POLH: variants seen among roughly 807,000 people sequenced by gnomAD.
POLH encodes the protein DNA polymerase eta transcript.
Under a neutral mutation model 73.6 loss-of-function variants are expected in POLH, and 53 were observed. That is an observed-to-expected ratio of 0.72 (90% CI 0.58 to 0.91). The LOEUF (loss-of-function observed/expected upper bound fraction) is 0.91, where lower values mean the gene tolerates loss of function less well. POLH is among the 40% of genes least tolerant of loss of function. The pLI, the probability that POLH is intolerant of heterozygous loss-of-function variation, is 0.00. For synonymous variants in POLH, 292 were observed against 308.5 expected (o/e 0.95, Z 0.56); for missense variants, 768 against 865.4 (o/e 0.89, Z 1.41).
At chr6:43,599,624 GA>G (rs1766504195) in intron 5 of POLH, among the ~76,000 whole-genome samples, 1 of 150,520 alleles carries the variant, frequency 6.6e-6, no homozygotes, top group Admixed American at 6.6e-5. Flanking sequence ...CTACCCATCT[GA>G]ATTTTTTTGG....
rs1768438291 is a variant in POLH at position 43,617,668 on chromosome 6, G to T, written c.*3111G>T. Among the ~76,000 whole-genome samples, 1 of 152,012 alleles carries T rather than the reference G, an allele frequency of 6.6e-6. No individual in the cohort carries two copies. Among genetic ancestry groups the T allele is most frequent in the Non-Finnish European group, 1.5e-5 (1 of 67,986 alleles). The stretch of plus-strand genomic sequence containing the variant: ...ATGTGGGCCGGGTGCAGTGGCTCAT[G>T]CCTGTAATCCCAGCACTTTGGGAGG... On this transcript the variant is annotated 3_prime_UTR_variant, in exon 11 of 11. Coordinates refer to ENST00000372236, the MANE Select transcript of POLH (RefSeq NM_006502.3).
chr6:43,584,288 C>A (rs544902812), intron 3 of POLH, among the ~76,000 whole-genome samples: 1 of 152,252 alleles, frequency 6.6e-6, no homozygotes, highest in South Asian at 2.1e-4. Context: ...TGACATACTT[C>A]TGAATTCTAA....
intron 6 of POLH, 98 bp downstream of exon 6, chr6:43,601,189 G>A: frequency 1.2e-6 from 1 of 836,682 alleles, no homozygotes; most frequent in Non-Finnish European, 2.1e-6. Context: ...CTGGAGCCAG[G>A]GGAAATACAT....
At chr6:43,587,095 A>T (rs56112544) in intron 3 of POLH, among the ~76,000 whole-genome samples, 177 bp from the exon 4 acceptor site, 1 of 152,044 alleles carries the variant, frequency 6.6e-6, no homozygotes, top group South Asian at 2.1e-4. Context: ...CCATGCTTCT[A>T]TTATTGACCA....
Position 43,614,429 on chromosome 6 carries a change from C to A in POLH, c.2014C>A (p.Gln672Lys). Reference protein sequence around the residue: ...SFLQPHSSNPQVVSAVSHQGK... With the variant: ...SFLQPHSSNPKVVSAVSHQGK... ...TTTGCAGCCCCACTCTTCAAACCCC[C>A]AGGTTGTTTCTGCCGTATCTCATCA... The change falls in exon 11 of 11, where the codon CAG becomes AAG. Residue 672 changes from glutamine to lysine, a missense_variant. Physicochemically the swap from Gln to Lys is moderately conservative, Grantham distance 53. Coordinates refer to ENST00000372236, the MANE Select transcript of POLH (RefSeq NM_006502.3). 1 of 1,614,186 alleles carries A rather than the reference C, an allele frequency of 6.2e-7. No homozygotes were observed. The highest frequency in any genetic ancestry group is 1.1e-5 in the South Asian group (1 of 91,080).
rs1349087647 is a variant in POLH, at chr6:43,620,473, C to A, written c.*5916C>A. On this transcript the variant is annotated 3_prime_UTR_variant, in exon 11 of 11. Transcript: ENST00000372236. ...CCCTGGAAGGAAGCTGAGCCTGTAG[C>A]TAACGCATAAGCACAGTGTATTCAA... The A allele has an allele frequency of 5.7e-6, 2 of 352,418 alleles. No individual in the cohort carries two copies. Among genetic ancestry groups the A allele is most frequent in the Non-Finnish European group, 1.1e-5 (2 of 183,314 alleles). 21.8% of individuals were successfully genotyped at this position (352,418 alleles called of 1,614,324 possible).
intron 1 of POLH, among the ~76,000 whole-genome samples, chr6:43,579,210 C>T (rs1055453116): frequency 6.6e-6 from 1 of 152,214 alleles, no homozygotes; most frequent in Non-Finnish European, 1.5e-5. Flanking sequence ...GGACTCTAAT[C>T]TTCCCCTGCC....
At position 43,615,683 on chromosome 6, in the gene POLH, T is replaced by A. The variant is rs1253361219; in HGVS notation, c.*1126T>A. ...AAAGGGATTATTTTTATTTTTATTT[T>A]TTATTTTTGAGACGGAGTCTCCCTC... is the stretch of plus-strand genomic sequence containing the variant. On this transcript the variant is annotated 3_prime_UTR_variant, in exon 11 of 11. Transcript: ENST00000372236. 1 of 152,068 alleles carries A rather than the reference T, an allele frequency of 6.6e-6. No individual in the cohort carries two copies. Among genetic ancestry groups the A allele is most frequent in the African/African-American group, 2.4e-5 (1 of 41,438 alleles). 9.4% of individuals were successfully genotyped at this position (152,068 alleles called of 1,614,324 possible). A position where few individuals can be genotyped will look rare whatever the true frequency, so the allele number is the denominator to read the frequency against.
rs2127825407 is a variant in POLH at position 43,616,625 on chromosome 6, CTG to C, written c.*2071_*2072del. The stretch of plus-strand genomic sequence containing the variant: ...ACAAAAGAAAAACTTCTCTCTAGCT[CTG>C]TGACGGGCAGTTCAGATAATACCTT... On this transcript the variant is annotated 3_prime_UTR_variant, in exon 11 of 11. Coordinates refer to ENST00000372236, the MANE Select transcript of POLH (RefSeq NM_006502.3). 6.6e-6 allele frequency among the ~76,000 whole-genome samples: 1 copy of C among 151,994 alleles called. No individual in the cohort carries two copies. Among genetic ancestry groups the C allele is most frequent in the South Asian group, 2.1e-4 (1 of 4,814 alleles).
rs745934083 is a variant in POLH, at chr6:43,582,350, C to G, written c.31C>G (p.Leu11Val). MATGQDRVVA[L>V]VDMDCFFVQV... ...TACTGGACAGGATCGAGTGGTTGCT[C>G]TCGTGGACATGGACTGTTTTTTTGT... Residue 11 changes from leucine to valine, a missense_variant, in exon 2 of 11, where the codon CTC (leucine) becomes GTC (valine). Physicochemically the swap from Leu to Val is conservative, Grantham distance 32. Transcript: ENST00000372236. The G allele has an allele frequency of 6.2e-7, 1 of 1,614,136 alleles. No individual in the cohort carries two copies. The highest frequency in any genetic ancestry group is 1.1e-5 in the South Asian group (1 of 91,078).
chr6:43,601,090 A>C lies in POLH; in HGVS notation c.763A>C (p.Ile255Leu). Residue 255 changes from isoleucine to leucine, a missense_variant and splice_region_variant, in exon 6 of 11, where the codon ATC (isoleucine) becomes CTC (leucine). Ile to Leu is a conservative substitution (Grantham distance 5). Transcript: ENST00000372236. ...QLFSQMPIRK[I>L]RSLGGKLGAS... Reference sequence around the variant, plus strand: ...CTTCAGCCAAATGCCCATTCGCAAAATGTAAGTATTCAGGCAGCATGTTAA... The same window carrying C: ...CTTCAGCCAAATGCCCATTCGCAAACTGTAAGTATTCAGGCAGCATGTTAA... 3 of 1,594,936 alleles carry C rather than the reference A, an allele frequency of 1.9e-6. No individual in the cohort carries two copies. The highest frequency in any genetic ancestry group is 2.6e-6 in the Non-Finnish European group (3 of 1,162,622).
intron 6 of POLH, 23 bp from the exon 7 acceptor site, chr6:43,603,868 AT>A: frequency 6.2e-7 from 1 of 1,612,610 alleles, no homozygotes; most frequent in Non-Finnish European, 8.5e-7. Flanking sequence ...TGACCTATCA[AT>A]TCTTTGTCTC....
chr6:43,617,261 C>T lies in POLH; in HGVS notation c.*2704C>T, dbSNP rs1344026286. Among the ~76,000 whole-genome samples the T allele has an allele frequency of 6.6e-6, 1 of 152,192 alleles. No individual in the cohort carries two copies. The highest frequency in any genetic ancestry group is 2.4e-5 in the African/African-American group (1 of 41,442). On this transcript the variant is annotated 3_prime_UTR_variant, in exon 11 of 11. Transcript: ENST00000372236. ...TTGAGGAACAGCAGCCTCAGTATCA[C>T]CAGGGAACTTATTAGAAATAGTCTC... is the stretch of plus-strand genomic sequence containing the variant.
At chr6:43,610,846 T>G in intron 10 of POLH, 123 bp downstream of exon 10, 2 of 785,698 alleles carry the variant, frequency 2.5e-6, no homozygotes, top group East Asian at 2.7e-5. Context: ...AATTTTCACA[T>G]GAGCTGAATT....
chr6:43,594,474 G>A (rs1425507077), intron 4 of POLH, among the ~76,000 whole-genome samples: 1 of 152,094 alleles, frequency 6.6e-6, no homozygotes, highest in African/African-American at 2.4e-5. Context: ...TGTAATCCCA[G>A]CACTTTGGGA....
Position 43,583,021 on chromosome 6 carries a change from G to C in POLH, c.152G>C (p.Ser51Thr). 1 of 1,613,434 alleles carries C rather than the reference G, an allele frequency of 6.2e-7. No homozygotes were observed. The highest frequency in any genetic ancestry group is 2.2e-5 in the East Asian group (1 of 44,886). The stretch of plus-strand genomic sequence containing the variant: ...TCTAACCTTAGAATAATTGCAGTGA[G>C]TTATGAAGCTCGTGCATTTGGAGTC... ...SWKGGGIIAV[S>T]YEARAFGVTR... is the part of the protein sequence containing the mutation. The change falls in exon 3 of 11, where the codon AGT becomes ACT. Residue 51 changes from serine (S) to threonine (T), a missense_variant. Ser to Thr is a moderately conservative substitution (Grantham distance 58). Coordinates refer to ENST00000372236, the MANE Select transcript of POLH (RefSeq NM_006502.3).
rs1768165602 is a variant in POLH, at chr6:43,614,129, C to G, written c.1714C>G (p.Pro572Ala). Residue 572 changes from proline (P) to alanine (A), a missense_variant, in exon 11 of 11, where the codon CCA (proline) becomes GCA (alanine). Coordinates refer to ENST00000372236, the MANE Select transcript of POLH (RefSeq NM_006502.3). ...ACCAAACTCTTTACCAACAGAGTAT[C>G]CAGGGTGTGTCCCTGTTTGTGAAGG... is the stretch of plus-strand genomic sequence containing the variant. ...ALPNSLPTEY[P>A]GCVPVCEGVS... 2 of 1,614,120 alleles carry G rather than the reference C, an allele frequency of 1.2e-6. No individual in the cohort carries two copies. The highest frequency in any genetic ancestry group is 2.7e-5 in the African/African-American group (2 of 74,938).
intron 4 of POLH, among the ~76,000 whole-genome samples, chr6:43,596,702 A>G (rs1301548239): frequency 6.6e-6 from 1 of 152,232 alleles, no homozygotes. Flanking sequence ...GATTTTAGTT[A>G]TGTTTAGTTG....
chr6:43,606,700 A>G (rs1369931677), intron 9 of POLH, among the ~76,000 whole-genome samples: 1 of 152,122 alleles, frequency 6.6e-6, no homozygotes, highest in Non-Finnish European at 1.5e-5. Flanking sequence ...AAGTGCTGGG[A>G]TTACAGGCAT....
Sources: allele counts gnomAD v4.1 joint callset (sites outside exome capture counted in the v4.1 genomes callset), GRCh38; gene constraint gnomAD v4.1.1; transcripts MANE v1.5; gene names NCBI Gene and HGNC (gene_info 2026-07-23, HGNC 2026-07-21).